The following SGCZ variants were observed in gnomAD, a reference collection of about 807,000 sequenced individuals.
SGCZ encodes the protein zeta-sarcoglycan.
Under a neutral mutation model 41.3 loss-of-function variants are expected in SGCZ, and 40 were observed. The ratio of observed to expected loss-of-function variants is 0.97; its 90% CI spans 0.75 to 1.26. SGCZ has a LOEUF of 1.26. SGCZ is among the 50% of genes most tolerant of loss of function. The probability of loss-of-function intolerance (pLI) is 0.00; values close to 1 mark genes in which losing one functional copy is unlikely to be tolerated. For missense variants in SGCZ, 552 were observed against 369.8 expected, an observed-to-expected ratio of 1.49 and a Z score of -4.04; for synonymous variants, 206 against 137.5, an observed-to-expected ratio of 1.50 and a Z score of -3.49.
At chr8:15,161,114 C>T (rs1017678982) in intron 1 of SGCZ, among the ~76,000 whole-genome samples, 1 of 152,032 alleles carries the variant, frequency 6.6e-6, no homozygotes, top group Non-Finnish European at 1.5e-5. Context: ...TGGTTCCCTG[C>T]TCCCTCTCTC....
intron 2 of SGCZ, among the ~76,000 whole-genome samples, chr8:14,513,358 G>A (rs777760377): frequency 1.8e-4 from 27 of 151,860 alleles, no homozygotes; most frequent in Admixed American, 1.4e-3. Context: ...GTTTAAACAC[G>A]AAAAAGTATT....
chr8:14,987,336 T>C (rs1004269801), intron 1 of SGCZ, among the ~76,000 whole-genome samples: 1 of 151,916 alleles, frequency 6.6e-6, no homozygotes, highest in Non-Finnish European at 1.5e-5. Context: ...CAGAAATGAA[T>C]TCATTTCAAA....
At chr8:14,962,554 T>C (rs1800997607) in intron 1 of SGCZ, among the ~76,000 whole-genome samples, 1 of 152,202 alleles carries the variant, frequency 6.6e-6, no homozygotes, top group African/African-American at 2.4e-5. Flanking sequence ...TACTGGTTTC[T>C]CTGTATTTTA....
intron 1 of SGCZ, among the ~76,000 whole-genome samples, chr8:14,887,735 G>A (rs527345224): frequency 3.9e-5 from 6 of 152,180 alleles, no homozygotes; most frequent in Admixed American, 2.0e-4. Flanking sequence ...ATACTTAAAG[G>A]TTAAATAAAC....
rs572958419 is a variant in SGCZ, at chr8:14,877,455, C to T, written c.40-322529G>A. Reference sequence around the variant, plus strand: ...ATTTATTTTATTGAAAATCCAACTGCTTCTAAATCATGATAATTGCTTTAA... The same window carrying T: ...ATTTATTTTATTGAAAATCCAACTGTTTCTAAATCATGATAATTGCTTTAA... On this transcript the variant is annotated intron_variant, in intron 1 of 7. Transcript: ENST00000382080. 2.0e-5 allele frequency among the ~76,000 whole-genome samples: 3 copies of T among 152,194 alleles called. No homozygotes were observed. In the East Asian group the frequency reaches 5.8e-4, roughly 29 times the overall value.
chr8:15,210,141 G>A (rs749662009), intron 1 of SGCZ, among the ~76,000 whole-genome samples: 2 of 152,134 alleles, frequency 1.3e-5, no homozygotes, highest in Non-Finnish European at 2.9e-5. Flanking sequence ...AATAAGGAAA[G>A]GATTTCTTTT....
At position 14,097,399 on chromosome 8, in the gene SGCZ, G is replaced by A. The variant is rs138893830; in HGVS notation, c.744+4977C>T. ...GGTTGTTCAGTTTCCATATGGTTGT[G>A]TGATTTTGAGTGAGTTTCTTAATCC... On this transcript the variant is annotated intron_variant, in intron 7 of 7. Coordinates refer to ENST00000382080, the MANE Select transcript of SGCZ (RefSeq NM_139167.4). Among the ~76,000 whole-genome samples the A allele has an allele frequency of 4.6e-3, 706 of 152,296 alleles. 8 individuals are homozygous for A. Among genetic ancestry groups the A allele is most frequent in the African/African-American group, 0.016 (655 of 41,566 alleles).
chr8:15,136,371 C>T (rs759689581), intron 1 of SGCZ, among the ~76,000 whole-genome samples: 4 of 151,906 alleles, frequency 2.6e-5, no homozygotes, highest in Non-Finnish European at 4.4e-5. Flanking sequence ...ATCTGAATAG[C>T]AGGTGTCACT....
At chr8:14,750,034 A>G (rs2130312618) in intron 1 of SGCZ, among the ~76,000 whole-genome samples, 1 of 152,338 alleles carries the variant, frequency 6.6e-6, no homozygotes, top group East Asian at 1.9e-4. Context: ...ACAAATAGGT[A>G]GAAATACCAT....
At position 14,162,259 on chromosome 8, in the gene SGCZ, CT is replaced by C. The variant is rs1177992507; in HGVS notation, c.547+2320del. ...CCAAGAACTCTAGAATCTCCCTTTA[CT>C]TATGATTGTAAAGTACCCAATGAGA... is the stretch of plus-strand genomic sequence containing the variant. On this transcript the variant is annotated intron_variant, in intron 5 of 7. Coordinates refer to ENST00000382080, the MANE Select transcript of SGCZ (RefSeq NM_139167.4). 3.9e-5 allele frequency among the ~76,000 whole-genome samples: 6 copies of C among 152,208 alleles called. No individual in the cohort carries two copies. In the East Asian group the frequency reaches 1.2e-3, roughly 29 times the overall value.
intron 1 of SGCZ, among the ~76,000 whole-genome samples, chr8:14,608,457 G>C (rs1225433923): frequency 2.0e-5 from 3 of 151,572 alleles, no homozygotes; most frequent in Admixed American, 1.3e-4. Flanking sequence ...GAGGCGGGGG[G>C]CAGATGTGTC....
intron 1 of SGCZ, among the ~76,000 whole-genome samples, chr8:14,946,331 G>T (rs1396392133): frequency 6.6e-6 from 1 of 151,546 alleles, no homozygotes; most frequent in Non-Finnish European, 1.5e-5. Context: ...TAGTCTCGGA[G>T]TGGCCACGTA....
At chr8:14,783,954 T>G (rs1800670249) in intron 1 of SGCZ, among the ~76,000 whole-genome samples, 2 of 152,180 alleles carry the variant, frequency 1.3e-5, no homozygotes, top group Non-Finnish European at 2.9e-5. Context: ...TTCTTGTTCT[T>G]CAGATTTAGT....
intron 1 of SGCZ, among the ~76,000 whole-genome samples, chr8:14,903,692 T>G (rs1030062600): frequency 6.6e-6 from 1 of 152,068 alleles, no homozygotes; most frequent in Admixed American, 6.6e-5. Flanking sequence ...TGGAGACTTA[T>G]GTATTATTTA....
At chr8:15,152,801 T>C (rs543040503) in intron 1 of SGCZ, among the ~76,000 whole-genome samples, 44 of 152,292 alleles carry the variant, frequency 2.9e-4, no homozygotes, top group African/African-American at 9.4e-4. Context: ...AGAGCAAAAA[T>C]ACCTACACCC....
chr8:15,045,139 A>G (rs551286930), intron 1 of SGCZ, among the ~76,000 whole-genome samples: 45 of 152,070 alleles, frequency 3.0e-4, no homozygotes, highest in African/African-American at 8.4e-4. Flanking sequence ...GTTATTTGGC[A>G]TTGTAAAATA....
intron 5 of SGCZ, among the ~76,000 whole-genome samples, chr8:14,128,033 T>G (rs577093344): frequency 1.8e-4 from 27 of 152,232 alleles, no homozygotes; most frequent in Non-Finnish European, 3.2e-4. Flanking sequence ...TTTGGTTTTC[T>G]GTTCCTGTGT....
At chr8:14,224,220 T>C (rs550963930) in intron 4 of SGCZ, among the ~76,000 whole-genome samples, 1 of 152,308 alleles carries the variant, frequency 6.6e-6, no homozygotes, top group East Asian at 1.9e-4. Context: ...CTACATTTGC[T>C]GACAAAGGAT....
intron 3 of SGCZ, among the ~76,000 whole-genome samples, chr8:14,323,477 T>A (rs1329145542): frequency 1.3e-5 from 2 of 152,128 alleles, no homozygotes; most frequent in African/African-American, 4.8e-5. Context: ...GTTTTTGATA[T>A]ATCCAAGAAT....
Sources: allele counts gnomAD v4.1 joint callset (sites outside exome capture counted in the v4.1 genomes callset), GRCh38; gene constraint gnomAD v4.1.1; transcripts MANE v1.5; gene names NCBI Gene and HGNC (gene_info 2026-07-23, HGNC 2026-07-21).